ARSB: variants seen among roughly 807,000 people sequenced by gnomAD.
ARSB encodes N-acetylgalactosamine-4-sulfatase.
In ARSB, 41 loss-of-function variants were observed where a neutral mutation model predicts 50.9. The ratio of observed to expected loss-of-function variants is 0.81; its 90% confidence interval spans 0.63 to 1.04. ARSB has a LOEUF of 1.04. ARSB is among the 50% of genes least tolerant of loss of function. ARSB has a pLI of 0.00. For synonymous variants in ARSB, 269 were observed against 284.8 expected (o/e 0.94, Z 0.56); for missense variants, 672 against 693.3 (o/e 0.97, Z 0.35).
intron 6 of ARSB, among the ~76,000 whole-genome samples, chr5:78,788,173 G>A (rs1420729321): frequency 6.6e-6 from 1 of 152,190 alleles, no homozygotes; most frequent in African/African-American, 2.4e-5. Flanking sequence ...CTTCTGAGCT[G>A]AAAGCCACCT....
intron 4 of ARSB, among the ~76,000 whole-genome samples, chr5:78,952,235 C>A (rs1259456416): frequency 6.6e-6 from 1 of 152,096 alleles, no homozygotes; most frequent in Admixed American, 6.6e-5. Flanking sequence ...TACACATTTG[C>A]AATCATATAA....
At chr5:78,819,814 T>TA (rs1461819343) in intron 6 of ARSB, among the ~76,000 whole-genome samples, 2 of 152,236 alleles carry the variant, frequency 1.3e-5, no homozygotes, top group Non-Finnish European at 2.9e-5. Context: ...CCAAGTGCTT[T>TA]AGGACAAGCA....
intron 6 of ARSB, among the ~76,000 whole-genome samples, chr5:78,813,158 G>A (rs1170811711): frequency 4.0e-5 from 6 of 151,772 alleles, no homozygotes; most frequent in East Asian, 3.9e-4. Context: ...TCTGCCTCCC[G>A]GGTTCAAGTG....
intron 5 of ARSB, among the ~76,000 whole-genome samples, chr5:78,847,897 T>C (rs1465998048): frequency 2.0e-5 from 3 of 152,132 alleles, no homozygotes; most frequent in Non-Finnish European, 4.4e-5. Context: ...TTCTATGGTA[T>C]CAGTTGCAAT....
chr5:78,888,098 T>C (rs940965992), intron 4 of ARSB, among the ~76,000 whole-genome samples: 8 of 152,018 alleles, frequency 5.3e-5, no homozygotes, highest in Non-Finnish European at 8.8e-5. Flanking sequence ...AGGAAACAAT[T>C]CTTCAACACA....
intron 6 of ARSB, among the ~76,000 whole-genome samples, chr5:78,820,188 G>A (rs146918985): frequency 1.9e-4 from 29 of 152,194 alleles, no homozygotes; most frequent in Admixed American, 4.6e-4. Flanking sequence ...CAAATCTGCC[G>A]GCACCTCAGT....
At chr5:78,897,451 T>C (rs963079514) in intron 4 of ARSB, among the ~76,000 whole-genome samples, 7 of 152,222 alleles carry the variant, frequency 4.6e-5, no homozygotes, top group African/African-American at 1.7e-4. Flanking sequence ...TTAGCACTCA[T>C]TACCTTGTGA....
chr5:78,829,788 A>G (rs1166182783), intron 6 of ARSB, among the ~76,000 whole-genome samples: 1 of 152,256 alleles, frequency 6.6e-6, no homozygotes, highest in African/African-American at 2.4e-5. Context: ...TTTACTTTGT[A>G]AATTTTAATT....
Position 78,779,139 on chromosome 5 carries a change from T to C in ARSB, c.*1258A>G, listed in dbSNP as rs753090974. On this transcript the variant is annotated 3_prime_UTR_variant, in exon 8 of 8. Transcript: ENST00000264914. ...GAAAAGAGTATCATTTTTGCACACA[T>C]TTCTCTGGGTTTGACACTCTCTGGA... 9 of 152,112 alleles carry C rather than the reference T, an allele frequency of 5.9e-5. No individual in the cohort carries two copies. Among genetic ancestry groups the C allele is most frequent in the Non-Finnish European group, 8.8e-5 (6 of 68,014 alleles). 9.4% of individuals were successfully genotyped at this position (152,112 alleles called of 1,614,324 possible). A position where few individuals can be genotyped will look rare whatever the true frequency, so the allele number is the denominator to read the frequency against.
chr5:78,926,378 T>C (rs1417088712), intron 4 of ARSB, among the ~76,000 whole-genome samples: 1 of 152,162 alleles, frequency 6.6e-6, no homozygotes, highest in East Asian at 1.9e-4. Context: ...CCTGTCCAAG[T>C]GCCTTTCTAC....
At chr5:78,858,575 G>A (rs1264003375) in intron 5 of ARSB, among the ~76,000 whole-genome samples, 1 of 152,092 alleles carries the variant, frequency 6.6e-6, no homozygotes, top group African/African-American at 2.4e-5. Context: ...TAAATGAAAT[G>A]GTATTACATT....
chr5:78,976,398 C>T (rs995348558), intron 1 of ARSB, among the ~76,000 whole-genome samples: 4 of 150,602 alleles, frequency 2.7e-5, no homozygotes, highest in Non-Finnish European at 2.9e-5. Context: ...AGCGATTTCC[C>T]GCCATCTACC....
intron 6 of ARSB, among the ~76,000 whole-genome samples, chr5:78,811,813 A>G (rs1229394836): frequency 6.6e-6 from 1 of 152,206 alleles, no homozygotes; most frequent in Non-Finnish European, 1.5e-5. Context: ...ATGAATATGG[A>G]ATCCTTCCCA....
chr5:78,984,648 A>G (rs1753063865), intron 1 of ARSB, among the ~76,000 whole-genome samples: 1 of 151,936 alleles, frequency 6.6e-6, no homozygotes, highest in Non-Finnish European at 1.5e-5. Flanking sequence ...CGGCATTCCC[A>G]TAAACCCCTT....
chr5:78,850,756 A>G (rs968398334), intron 5 of ARSB, among the ~76,000 whole-genome samples: 1 of 152,216 alleles, frequency 6.6e-6, no homozygotes, highest in African/African-American at 2.4e-5. Flanking sequence ...TGGTCTATTC[A>G]GAGATTCAAC....
chr5:78,795,413 G>T (rs1312797836), intron 6 of ARSB, among the ~76,000 whole-genome samples: 1 of 152,186 alleles, frequency 6.6e-6, no homozygotes, highest in Non-Finnish European at 1.5e-5. Context: ...GGGAGGAGGG[G>T]GCTGGCTTGT....
intron 5 of ARSB, among the ~76,000 whole-genome samples, chr5:78,873,697 G>A (rs1304038351): frequency 3.3e-5 from 5 of 150,952 alleles, no homozygotes; most frequent in Non-Finnish European, 4.4e-5. Context: ...GGGTTTCACC[G>A]TTTTAGCCGG....
intron 5 of ARSB, among the ~76,000 whole-genome samples, chr5:78,849,076 C>G (rs1745607396): frequency 6.6e-6 from 1 of 152,136 alleles, no homozygotes; most frequent in African/African-American, 2.4e-5. Flanking sequence ...TTAATTAGAT[C>G]CCATTTGTCA....
At chr5:78,855,069 C>A (rs1746068938) in intron 5 of ARSB, among the ~76,000 whole-genome samples, 1 of 152,106 alleles carries the variant, frequency 6.6e-6, no homozygotes, top group Non-Finnish European at 1.5e-5. Context: ...GCTAGTACAG[C>A]CCCAGGAAGG....
Sources: gnomAD v4.1 joint callset for allele counts (sites outside exome capture counted in the v4.1 genomes callset) on GRCh38, gnomAD v4.1.1 for gene constraint, MANE v1.5 for transcripts, NCBI Gene and HGNC (gene_info 2026-07-23, HGNC 2026-07-21) for gene names.